DCHS1: variants seen among roughly 807,000 people sequenced by gnomAD.
DCHS1 encodes dachsous cadherin-related 1.
Under a neutral mutation model 213.9 loss-of-function variants are expected in DCHS1, and 78 were observed. The observed-to-expected ratio is 0.36, with a 90% CI of 0.30 to 0.44. DCHS1 has a LOEUF of 0.44. Ranked by LOEUF, DCHS1 falls within the 20% of genes least tolerant of loss-of-function variation. The probability of loss-of-function intolerance (pLI) is 1.00; values close to 1 mark genes in which losing one functional copy is unlikely to be tolerated. For synonymous variants in DCHS1, 1,828 were observed against 1,873.7 expected (o/e 0.98, Z 0.63); for missense variants, 3,946 against 4,395.9 (o/e 0.90, Z 2.89).
chr11:6,655,609 G>A lies in DCHS1; in HGVS notation c.-167C>T, dbSNP rs1856304620. On this transcript the variant is annotated 5_prime_UTR_variant, in exon 1 of 21. Transcript: ENST00000299441. ...TCGCCCGGTGCTGGGGCGCCGTCCGGCCGCGGTCAGCCCCCCGGGCAGCGC... is the reference window on the plus strand; with the variant it reads ...TCGCCCGGTGCTGGGGCGCCGTCCGACCGCGGTCAGCCCCCCGGGCAGCGC... The A allele has an allele frequency of 9.2e-6, 9 of 979,994 alleles. No individual in the cohort carries two copies. The highest frequency in any genetic ancestry group is 3.5e-5 in the African/African-American group (2 of 56,750). The allele number at this position is 979,994 out of a possible 1,614,324, so 60.7% of individuals were successfully genotyped here. A position where few individuals can be genotyped will look rare whatever the true frequency, so the allele number is the denominator to read the frequency against.
At chr11:6,648,588 C>T (rs912828418) in intron 1 of DCHS1, among the ~76,000 whole-genome samples, 1 of 152,196 alleles carries the variant, frequency 6.6e-6, no homozygotes, top group Admixed American at 6.5e-5. Context: ...TTCACCAATA[C>T]ATGCTTACTA....
Position 6,623,668 on chromosome 11 carries a change from G to A in DCHS1, c.8008C>T (p.Gln2670Ter). ...TGTACTACAAGCTGATGTCGAGCCT[G>A]GGTCTCACAGTCCAGGGCATGGGCC... ...RLAHALDCETQARHQLVVQAA... is the reference protein window; with the variant it reads ...RLAHALDCET The change falls in exon 21 of 21, where the codon CAG becomes TAG. Residue 2670 changes from glutamine to a stop codon, truncating the protein, a stop_gained. Coordinates refer to ENST00000299441, the MANE Select transcript of DCHS1 (RefSeq NM_003737.4). LOFTEE classifies it high-confidence loss of function. 1.2e-6 allele frequency: 2 copies of A among 1,613,824 alleles called. No individual in the cohort carries two copies. Among genetic ancestry groups the A allele is most frequent in the Non-Finnish European group, 1.7e-6 (2 of 1,179,904 alleles).
chr11:6,629,356 A>G, intron 12 of DCHS1, 96 bp downstream of exon 12: 4 of 1,494,150 alleles, frequency 2.7e-6, no homozygotes, highest in Non-Finnish European at 2.7e-6. Context: ...GTAATAGGCA[A>G]AAACTTCTAA....
At position 6,624,349 on chromosome 11, in the gene DCHS1, C is replaced by T; in HGVS notation, c.7327G>A (p.Asp2443Asn). ...ACCACATCCACTGCTCCTGACCCGT[C>T]ATGGCCCAAGGCCACTGTTCCCACT... ...TIVGTVALGHDGSGAVDVVLE... is the reference protein window; with the variant it reads ...TIVGTVALGHNGSGAVDVVLE... Residue 2443 changes from aspartate (D) to asparagine (N), a missense_variant, in exon 21 of 21, where the codon GAC (aspartate) becomes AAC (asparagine). This residue lies in a region of DCHS1 where 3,384 missense variants were observed against 3,780.1 expected (regional missense o/e 0.90). Coordinates refer to ENST00000299441, the MANE Select transcript of DCHS1 (RefSeq NM_003737.4). The T allele has an allele frequency of 6.3e-7, 1 of 1,578,714 alleles. No individual in the cohort carries two copies. The highest frequency in any genetic ancestry group is 8.6e-7 in the Non-Finnish European group (1 of 1,162,464).
chr11:6,641,484 C>G lies in DCHS1; in HGVS notation c.130G>C (p.Ala44Pro). 1 of 1,573,050 alleles carries G rather than the reference C, an allele frequency of 6.4e-7. No homozygotes were observed. Among genetic ancestry groups the G allele is most frequent in the Non-Finnish European group, 8.6e-7 (1 of 1,160,140 alleles). ...GAGVPGAWGQAGSLDLQIDEE... is the reference protein window; with the variant it reads ...GAGVPGAWGQPGSLDLQIDEE... Reference sequence around the variant, plus strand: ...TCAATCTGCAAGTCCAGGCTCCCAGCCTGACCCCAGGCACCTGGCACCCCA... The same window carrying G: ...TCAATCTGCAAGTCCAGGCTCCCAGGCTGACCCCAGGCACCTGGCACCCCA... Residue 44 changes from alanine to proline, a missense_variant, in exon 2 of 21, where the codon GCT becomes CCT. By Grantham distance (27) the Ala-to-Pro change is conservative (BLOSUM62 -1). Coordinates refer to ENST00000299441, the MANE Select transcript of DCHS1 (RefSeq NM_003737.4). This position sits in a 1 kb window ranked among gnomAD's most constrained non-coding sequence, Gnocchi z 7.1.
Position 6,632,738 on chromosome 11 carries a change from A to C in DCHS1, c.2774T>G (p.Val925Gly). The change falls in exon 6 of 21, where the codon GTT becomes GGT. Residue 925 changes from valine to glycine, a missense_variant. Around this residue, in one of 3 missense-constraint regions of DCHS1, gnomAD observed 3,384 missense variants for 3,780.1 expected, o/e 0.90. Transcript: ENST00000299441. This position sits in a 1 kb window ranked among gnomAD's most constrained non-coding sequence, Gnocchi z 5.9. ...TLRALDPDSG[V>G]NSRVTFTLLA... ...CAGGGTAAAGGTGACTCGACTGTTA[A>C]CACCTGAGTCGGGGTCAAGAGCCCG... 6.2e-7 allele frequency: 1 copy of C among 1,610,218 alleles called. No homozygotes were observed. The highest frequency in any genetic ancestry group is 1.1e-5 in the South Asian group (1 of 90,204).
chr11:6,641,563 G>T lies in DCHS1; in HGVS notation c.51C>A (p.Pro17=). 1 of 1,550,988 alleles carries T rather than the reference G, an allele frequency of 6.4e-7. No homozygotes were observed. Residue 17 remains proline, a synonymous_variant, in exon 2 of 21, where the codon CCC becomes CCA. Coordinates refer to ENST00000299441, the MANE Select transcript of DCHS1 (RefSeq NM_003737.4). The surrounding 1 kb of genome is among the most constrained non-coding windows in gnomAD (Gnocchi z 7.1). ...IVPSCPGMKS[P]RPHLLLPLLL... is the part of the protein sequence containing the mutation. ...GCAATGGTAGCAGGAGGTGGGGCCT[G>T]GGGCTCTTCATGCCAGGGCAGGAAG... is the stretch of plus-strand genomic sequence containing the variant.
rs562928721 is a variant in DCHS1, at chr11:6,650,158, T to G, written c.-121+5405A>C. Among the ~76,000 whole-genome samples the G allele has an allele frequency of 2.0e-5, 3 of 152,266 alleles. No homozygotes were observed. The South Asian group carries it at 6.2e-4, about 32-fold the overall frequency. ...CCTTCTTTCTCTCTCACCATCCATA[T>G]AAGAGGTGTGTTCTAGGCTCTGAGA... On this transcript the variant is annotated intron_variant, in intron 1 of 20. Coordinates refer to ENST00000299441, the MANE Select transcript of DCHS1 (RefSeq NM_003737.4).
Position 6,628,678 on chromosome 11 carries a change from G to T in DCHS1, c.5314C>A (p.Leu1772Ile), listed in dbSNP as rs1047042656. ...CCCACATCTGGATCAGAGGCCCGAA[G>T]CATGGTAAGGGTCTGGGGGTCCTGG... ...EGQDPQTLTM[L>I]RASDPDVGAN... is the part of the protein sequence containing the mutation. The change falls in exon 13 of 21, where the codon CTT becomes ATT. Residue 1772 changes from leucine (L) to isoleucine (I), a missense_variant. Leu to Ile is a conservative substitution (Grantham distance 5). This residue lies in a region of DCHS1 where 3,384 missense variants were observed against 3,780.1 expected (regional missense o/e 0.90). Coordinates refer to ENST00000299441, the MANE Select transcript of DCHS1 (RefSeq NM_003737.4). The surrounding 1 kb of genome is among the most constrained non-coding windows in gnomAD (Gnocchi z 4.3). 1.2e-5 allele frequency: 19 copies of T among 1,613,926 alleles called. No individual in the cohort carries two copies. In the Admixed American group the frequency reaches 3.0e-4, roughly 25 times the overall value.
In DCHS1 at chr11:6,636,422, C is replaced by G. The variant is rs146740206; in HGVS notation, c.1798-2116G>C. 2.4e-3 allele frequency among the ~76,000 whole-genome samples: 364 copies of G among 152,210 alleles called. 2 individuals are homozygous for G. Among genetic ancestry groups the G allele is most frequent in the African/African-American group, 8.0e-3 (331 of 41,518 alleles). On this transcript the variant is annotated intron_variant, in intron 2 of 20. Transcript: ENST00000299441. ...ACAGTGTTTCACTATGTTGCCCAGG[C>G]TGGTCTCAAACTCCTGGCCTCAACC...
Position 6,631,107 on chromosome 11 carries a change from A to C in DCHS1, c.3876T>G (p.Ser1292Arg), listed in dbSNP as rs1433131610. ...AERPHYVLTL[S>R]AHDQGSPPRS... ...GAGGAGGGCTGCCTTGGTCATGAGC[A>C]CTCAGTGTCAGCACATAGTGGGGCC... Residue 1292 changes from serine to arginine, a missense_variant, in exon 9 of 21, where the codon AGT becomes AGG. By Grantham distance (110) the Ser-to-Arg change is moderately radical. Around this residue, in one of 3 missense-constraint regions of DCHS1, gnomAD observed 3,384 missense variants for 3,780.1 expected, o/e 0.90. Transcript: ENST00000299441. The C allele has an allele frequency of 6.2e-7, 1 of 1,613,080 alleles. No homozygotes were observed. The highest frequency in any genetic ancestry group is 8.5e-7 in the Non-Finnish European group (1 of 1,179,480).
At position 6,637,100 on chromosome 11, in the gene DCHS1, A is replaced by T. The variant is rs555014795; in HGVS notation, c.1797+2717T>A. On this transcript the variant is annotated intron_variant, in intron 2 of 20. Transcript: ENST00000299441. ...CTCTATTTGTCTGTTCCTTTCCATC[A>T]CCATTATCACCATTCTGACTTAGGC... 3.9e-4 allele frequency among the ~76,000 whole-genome samples: 59 copies of T among 152,210 alleles called. 1 individual carries two copies. In the South Asian group the frequency reaches 0.012, roughly 32 times the overall value.
rs542191735 is a variant in DCHS1, at chr11:6,626,431, C to G, written c.6365-51G>C. Reference sequence around the variant, plus strand: ...ATAGCCCCCTTTGCTTGCCCTGGAGCCTCCTTCTCTAAGACCCCTTACTCA... The same window carrying G: ...ATAGCCCCCTTTGCTTGCCCTGGAGGCTCCTTCTCTAAGACCCCTTACTCA... On this transcript the variant is annotated intron_variant, in intron 15 of 20. Coordinates refer to ENST00000299441, the MANE Select transcript of DCHS1 (RefSeq NM_003737.4). The surrounding 1 kb of genome is among the most constrained non-coding windows in gnomAD (Gnocchi z 5.2). 1.6e-5 allele frequency: 26 copies of G among 1,605,914 alleles called. No homozygotes were observed. Among genetic ancestry groups the G allele is most frequent in the East Asian group, 8.9e-5 (4 of 44,756 alleles).
In DCHS1 at chr11:6,655,621, C is replaced by A. The variant is rs946175327; in HGVS notation, c.-179G>T. ...GGGGCGCCGTCCGGCCGCGGTCAGC[C>A]CCCCGGGCAGCGCCCGCTCGCGCGG... On this transcript the variant is annotated 5_prime_UTR_variant, in exon 1 of 21. Coordinates refer to ENST00000299441, the MANE Select transcript of DCHS1 (RefSeq NM_003737.4). The A allele has an allele frequency of 2.6e-5, 25 of 979,792 alleles. No individual in the cohort carries two copies. Among genetic ancestry groups the A allele is most frequent in the Middle Eastern group, 5.2e-4 (1 of 1,930 alleles). 60.7% of individuals were successfully genotyped at this position (979,792 alleles called of 1,614,324 possible).
At chr11:6,646,405 C>T (rs993743752) in intron 1 of DCHS1, among the ~76,000 whole-genome samples, 5 of 152,166 alleles carry the variant, frequency 3.3e-5, no homozygotes, top group African/African-American at 9.7e-5. Context: ...CCGTCTCATG[C>T]TCGCTCCAGC....
In DCHS1 at chr11:6,625,297, C is replaced by CAGCT; in HGVS notation, c.7043_7046dup (p.Leu2350AlafsTer5). 1 of 1,613,856 alleles carries CAGCT rather than the reference C, an allele frequency of 6.2e-7. No individual in the cohort carries two copies. The highest frequency in any genetic ancestry group is 8.5e-7 in the Non-Finnish European group (1 of 1,179,860). On this transcript the variant is annotated frameshift_variant, in exon 19 of 21. Transcript: ENST00000299441. LOFTEE classifies it high-confidence loss of function. This position sits in a 1 kb window ranked among gnomAD's most constrained non-coding sequence, Gnocchi z 5.3. ...CCTCATGAGGCCCATCATGTGCCAG[C>CAGCT]AGCTGCAGCTGGTAGCGGTCACACT...
intron 1 of DCHS1, among the ~76,000 whole-genome samples, chr11:6,647,058 G>A (rs963131664): frequency 6.6e-5 from 10 of 152,204 alleles, no homozygotes; most frequent in African/African-American, 1.9e-4. Flanking sequence ...CAGGGCCAGC[G>A]AGGGGCAGAA....
At position 6,623,637 on chromosome 11, in the gene DCHS1, G is replaced by A. The variant is rs1188471739; in HGVS notation, c.8039C>T (p.Ala2680Val). The A allele has an allele frequency of 6.2e-7, 1 of 1,613,830 alleles. No individual in the cohort carries two copies. Among genetic ancestry groups the A allele is most frequent in the Non-Finnish European group, 8.5e-7 (1 of 1,179,902 alleles). The change falls in exon 21 of 21, where the codon GCT becomes GTT. Residue 2680 changes from alanine to valine, a missense_variant. Around this residue, in one of 3 missense-constraint regions of DCHS1, gnomAD observed 3,384 missense variants for 3,780.1 expected, o/e 0.90. Transcript: ENST00000299441. ...QARHQLVVQA[A>V]DPAGAHFALA... Reference sequence around the variant, plus strand: ...AGCAAAGTGTGCACCAGCAGGGTCAGCAGCCTGTACTACAAGCTGATGTCG... The same window carrying A: ...AGCAAAGTGTGCACCAGCAGGGTCAACAGCCTGTACTACAAGCTGATGTCG...
At position 6,624,735 on chromosome 11, in the gene DCHS1, T is replaced by C. The variant is rs1289879419; in HGVS notation, c.7280A>G (p.Asn2427Ser). 2 of 1,613,908 alleles carry C rather than the reference T, an allele frequency of 1.2e-6. No individual in the cohort carries two copies. The highest frequency in any genetic ancestry group is 1.7e-6 in the Non-Finnish European group (2 of 1,179,848). Residue 2427 changes from asparagine to serine, a missense_variant, in exon 20 of 21, where the codon AAC becomes AGC. Transcript: ENST00000299441. Reference sequence around the variant, plus strand: ...AGATCCTGGGAAAGACGCACCATTGTTGGGGTCAACACTGAAGCCATCGGC... The same window carrying C: ...AGATCCTGGGAAAGACGCACCATTGCTGGGGTCAACACTGAAGCCATCGGC... ...SPADGFSVDP[N>S]NGTLFTIVGT...
Sources: allele counts gnomAD v4.1 joint callset (sites outside exome capture counted in the v4.1 genomes callset), GRCh38; gene constraint gnomAD v4.1.1; regional missense constraint gnomAD v4.1.1; non-coding constraint Gnocchi (gnomAD v3.1); transcripts MANE v1.5; gene names NCBI Gene and HGNC (gene_info 2026-07-23, HGNC 2026-07-21).